The following GPC5 variants were observed in gnomAD, a reference collection of about 807,000 sequenced individuals.
The protein encoded by GPC5 is glypican 5, also known as glypican-5.
A neutral mutation model predicts 53.9 loss-of-function variants in GPC5; 47 were observed. That is an observed-to-expected ratio of 0.87 (90% CI 0.69 to 1.11). The LOEUF (loss-of-function observed/expected upper bound fraction) is 1.11, where lower values mean the gene tolerates loss of function less well. GPC5 is among the 50% of genes most tolerant of loss of function. GPC5 has a pLI of 0.00. For synonymous variants in GPC5, 286 were observed against 263.3 expected, an observed-to-expected ratio of 1.09 and a Z score of -0.84; for missense variants, 748 against 713.1, an observed-to-expected ratio of 1.05 and a Z score of -0.56.
chr13:91,612,016 C>T (rs1566551913), intron 2 of GPC5, among the ~76,000 whole-genome samples: 1 of 152,194 alleles, frequency 6.6e-6, no homozygotes, highest in Non-Finnish European at 1.5e-5. Flanking sequence ...AAATCACCTG[C>T]ATGCTTGCAT....
intron 2 of GPC5, among the ~76,000 whole-genome samples, chr13:91,647,211 G>A (rs2139527629): frequency 6.6e-6 from 1 of 151,708 alleles, no homozygotes; most frequent in East Asian, 1.9e-4. Context: ...TAAATATAAT[G>A]TGCACCTCTG....
chr13:92,210,055 T>C (rs111572377), intron 7 of GPC5, among the ~76,000 whole-genome samples: 25,548 of 152,078 alleles, frequency 0.17, 2,433 homozygotes, highest in Admixed American at 0.21. Flanking sequence ...GATTAGATTG[T>C]GCCCACCCAG....
At chr13:92,721,185 G>GA (rs1566384230) in intron 7 of GPC5, among the ~76,000 whole-genome samples, 5 of 151,780 alleles carry the variant, frequency 3.3e-5, no homozygotes, top group Non-Finnish European at 7.4e-5. Context: ...ATGACCACAA[G>GA]CTAGTCTTAC....
At chr13:92,833,629 A>T (rs1298077732) in intron 7 of GPC5, among the ~76,000 whole-genome samples, 1 of 152,174 alleles carries the variant, frequency 6.6e-6, no homozygotes, top group Non-Finnish European at 1.5e-5. Flanking sequence ...GATACTATTC[A>T]CATTTTTATA....
chr13:91,829,468 G>C (rs1425197010), intron 5 of GPC5, among the ~76,000 whole-genome samples: 4 of 151,916 alleles, frequency 2.6e-5, no homozygotes, highest in Non-Finnish European at 5.9e-5. Context: ...TTTTGATTTT[G>C]GTTTTGATAA....
intron 2 of GPC5, among the ~76,000 whole-genome samples, chr13:91,667,367 A>G (rs2035140399): frequency 6.6e-6 from 1 of 152,118 alleles, no homozygotes; most frequent in South Asian, 2.1e-4. Context: ...TTAATTACAT[A>G]TTACCCCCTT....
chr13:91,838,962 C>T lies in GPC5; in HGVS notation c.1281-68975C>T, dbSNP rs11842661. 6.5e-3 allele frequency among the ~76,000 whole-genome samples: 820 copies of T among 125,486 alleles called. 7 individuals carry two copies. The highest frequency in any genetic ancestry group is 0.019 in the African/African-American group (727 of 38,194). 82.3% of individuals were successfully genotyped at this position (125,486 alleles called of 152,430 possible). On this transcript the variant is annotated intron_variant, in intron 5 of 7. Transcript: ENST00000377067. ...ACCATGTTTCCCATGCTCCTACATA[C>T]GTATATACTCAAGGTTTTTGTTAAG...
intron 7 of GPC5, among the ~76,000 whole-genome samples, chr13:92,575,504 T>G (rs1883162669): frequency 6.6e-6 from 1 of 152,098 alleles, no homozygotes; most frequent in Non-Finnish European, 1.5e-5. Flanking sequence ...TGCCAACACC[T>G]TGATTTTGGA....
chr13:92,078,368 T>C (rs745654922), intron 6 of GPC5, among the ~76,000 whole-genome samples: 2 of 152,188 alleles, frequency 1.3e-5, no homozygotes, highest in Non-Finnish European at 2.9e-5. Context: ...AGAGAAGCAA[T>C]TCAGAAGACT....
intron 6 of GPC5, among the ~76,000 whole-genome samples, chr13:92,105,197 A>G (rs1214673633): frequency 6.6e-6 from 1 of 152,034 alleles, no homozygotes; most frequent in Non-Finnish European, 1.5e-5. Context: ...GGGAATTCAC[A>G]ACTATGCGTT....
intron 6 of GPC5, among the ~76,000 whole-genome samples, chr13:92,046,675 A>G (rs1247365972): frequency 6.6e-6 from 1 of 152,208 alleles, no homozygotes; most frequent in Admixed American, 6.5e-5. Flanking sequence ...ACAGTTCTAT[A>G]TCTTATTAAA....
intron 7 of GPC5, among the ~76,000 whole-genome samples, chr13:92,716,177 T>C (rs1418740272): frequency 6.6e-6 from 1 of 152,126 alleles, no homozygotes; most frequent in African/African-American, 2.4e-5. Context: ...CTTCATACAA[T>C]CTGGTGCTAA....
At chr13:92,623,644 T>C (rs907810368) in intron 7 of GPC5, among the ~76,000 whole-genome samples, 1 of 152,178 alleles carries the variant, frequency 6.6e-6, no homozygotes, top group African/African-American at 2.4e-5. Flanking sequence ...TGTTTTTCTT[T>C]AGTAAGGATC....
At chr13:92,544,666 T>A (rs983432804) in intron 7 of GPC5, among the ~76,000 whole-genome samples, 1 of 152,076 alleles carries the variant, frequency 6.6e-6, no homozygotes, top group East Asian at 1.9e-4. Context: ...CTAGGGCCAA[T>A]TTTTTTGTTG....
At chr13:91,611,958 CCG>C (rs1339572715) in intron 2 of GPC5, among the ~76,000 whole-genome samples, 2 of 152,154 alleles carry the variant, frequency 1.3e-5, no homozygotes, top group African/African-American at 4.8e-5. Flanking sequence ...ACCTCTTCTT[CCG>C]CGTTAATGGT....
At chr13:91,891,708 C>A (rs963881518) in intron 5 of GPC5, among the ~76,000 whole-genome samples, 1 of 152,068 alleles carries the variant, frequency 6.6e-6, no homozygotes, top group Non-Finnish European at 1.5e-5. Flanking sequence ...TCAAATAAGT[C>A]ATAAAACATT....
chr13:92,232,602 T>G (rs747000346), intron 7 of GPC5, among the ~76,000 whole-genome samples: 3 of 152,184 alleles, frequency 2.0e-5, no homozygotes, highest in Non-Finnish European at 4.4e-5. Flanking sequence ...TTCTATGATA[T>G]TCCTCTAAAA....
chr13:92,602,857 T>C (rs767494247), intron 7 of GPC5, among the ~76,000 whole-genome samples: 14 of 151,642 alleles, frequency 9.2e-5, no homozygotes, highest in Non-Finnish European at 1.8e-4. Context: ...GATTTTTTTT[T>C]CAACAAGAAG....
chr13:92,591,127 A>G (rs1346027029), intron 7 of GPC5, among the ~76,000 whole-genome samples: 1 of 152,176 alleles, frequency 6.6e-6, no homozygotes, highest in Non-Finnish European at 1.5e-5. Context: ...GCTGATTGGG[A>G]AAAAAATAAT....
Sources: allele counts gnomAD v4.1 joint callset (sites outside exome capture counted in the v4.1 genomes callset), GRCh38; gene constraint gnomAD v4.1.1; transcripts MANE v1.5; gene names NCBI Gene and HGNC (gene_info 2026-07-23, HGNC 2026-07-21).